Variants in KIF13A observed in about 807,000 individuals in gnomAD.
KIF13A encodes kinesin family member 13A.
A neutral mutation model predicts 212.2 loss-of-function variants in KIF13A; 79 were observed. The ratio of observed to expected loss-of-function variants is 0.37; its 90% CI spans 0.31 to 0.45. The LOEUF is 0.45. Ranked by LOEUF, KIF13A falls within the 20% of genes least tolerant of loss-of-function variation. The pLI, the probability that KIF13A is intolerant of heterozygous loss-of-function variation, is 1.00. For missense variants in KIF13A, 1,901 were observed against 2,209.0 expected, an observed-to-expected ratio of 0.86 and a Z score of 2.79; for synonymous variants, 789 against 808.6, an observed-to-expected ratio of 0.98 and a Z score of 0.41.
rs1764874391 is a variant in KIF13A, at chr6:17,825,382, A to C, written c.1786+386T>G. Among the ~76,000 whole-genome samples, 1 of 152,232 alleles carries C rather than the reference A, an allele frequency of 6.6e-6. No homozygotes were observed. Among genetic ancestry groups the C allele is most frequent in the African/African-American group, 2.4e-5 (1 of 41,452 alleles). The stretch of plus-strand genomic sequence containing the variant: ...TGACTTTTATCTTTCCATAGATTAT[A>C]TTTGAAATTCCTGAATTTATATTCT... On this transcript the variant is annotated intron_variant, in intron 16 of 38. Coordinates refer to ENST00000259711, the MANE Select transcript of KIF13A (RefSeq NM_022113.6). The surrounding 1 kb of genome is among the most constrained non-coding windows in gnomAD (Gnocchi z 4.5).
At chr6:17,784,176 T>A (rs886157831) in intron 28 of KIF13A, among the ~76,000 whole-genome samples, 2 of 151,996 alleles carry the variant, frequency 1.3e-5, no homozygotes, top group African/African-American at 4.8e-5. Context: ...TCCCAGCACT[T>A]TGGGAGGCAA....
chr6:17,780,669 G>C, intron 31 of KIF13A, 61 bp downstream of exon 31: 3 of 1,504,504 alleles, frequency 2.0e-6, no homozygotes, highest in East Asian at 2.3e-5. Flanking sequence ...CTTTGTGATA[G>C]AGAGAGGGAA....
chr6:17,954,817 G>C (rs1778211049), intron 2 of KIF13A, among the ~76,000 whole-genome samples: 1 of 151,946 alleles, frequency 6.6e-6, no homozygotes, highest in Non-Finnish European at 1.5e-5. Flanking sequence ...GGGACCACAG[G>C]CACACAGCAT....
At chr6:17,906,498 G>A (rs1243225223) in intron 2 of KIF13A, among the ~76,000 whole-genome samples, 1 of 146,038 alleles carries the variant, frequency 6.8e-6, no homozygotes, top group Non-Finnish European at 1.5e-5. Context: ...GCCTAGGCTG[G>A]AGTGCAATGA....
Position 17,961,310 on chromosome 6 carries a change from C to T in KIF13A, c.146+25744G>A, listed in dbSNP as rs1390303188. The stretch of plus-strand genomic sequence containing the variant: ...GGGACCTGGAAAGGAGCTGGGATTC[C>T]AAAGGTGGAAGGTAGCAACTGATGT... On this transcript the variant is annotated intron_variant, in intron 2 of 38. Coordinates refer to ENST00000259711, the MANE Select transcript of KIF13A (RefSeq NM_022113.6). The surrounding 1 kb of genome is among the most constrained non-coding windows in gnomAD (Gnocchi z 4.1). Among the ~76,000 whole-genome samples the T allele has an allele frequency of 6.6e-6, 1 of 152,080 alleles. No individual in the cohort carries two copies. Among genetic ancestry groups the T allele is most frequent in the Non-Finnish European group, 1.5e-5 (1 of 68,030 alleles).
At chr6:17,805,945 G>T (rs1762906608) in intron 18 of KIF13A, among the ~76,000 whole-genome samples, 1 of 108,070 alleles carries the variant, frequency 9.3e-6, no homozygotes. Flanking sequence ...TTTGAGATAG[G>T]ATCTTGCTCT....
chr6:17,958,108 T>TA (rs1778504545), intron 2 of KIF13A, among the ~76,000 whole-genome samples: 1 of 152,152 alleles, frequency 6.6e-6, no homozygotes, highest in Non-Finnish European at 1.5e-5. Context: ...TCTCATATAA[T>TA]AGACACCCGC....
Position 17,794,680 on chromosome 6 carries a change from T to C in KIF13A, c.2967A>G (p.Ile989Met), listed in dbSNP as rs1267538316. Residue 989 changes from isoleucine (I) to methionine (M), a missense_variant, in exon 24 of 39, where the codon ATA becomes ATG. Ile to Met is a conservative substitution (Grantham distance 10). Coordinates refer to ENST00000259711, the MANE Select transcript of KIF13A (RefSeq NM_022113.6). The surrounding 1 kb of genome is among the most constrained non-coding windows in gnomAD (Gnocchi z 4.1). ...HDRWNEVTRRIEMWISILELN... is the reference protein window; with the variant it reads ...HDRWNEVTRRMEMWISILELN... ...ATTCTAATATGGAGATCCACATTTC[T>C]ATTCTTCGCGTTACTTCATTCCACC... 2 of 1,611,052 alleles carry C rather than the reference T, an allele frequency of 1.2e-6. No individual in the cohort carries two copies. Among genetic ancestry groups the C allele is most frequent in the South Asian group, 1.1e-5 (1 of 90,098 alleles).
Position 17,799,563 on chromosome 6 carries a change from T to C in KIF13A, c.2617-124A>G, listed in dbSNP as rs1049125347. ...TCATCCATTTGACATGTGAAAATAT[T>C]ATATCTGACACCGTGACACTAAGGG... is the stretch of plus-strand genomic sequence containing the variant. On this transcript the variant is annotated intron_variant, in intron 21 of 38. Coordinates refer to ENST00000259711, the MANE Select transcript of KIF13A (RefSeq NM_022113.6). The surrounding 1 kb of genome is among the most constrained non-coding windows in gnomAD (Gnocchi z 4.4). 6.7e-6 allele frequency: 5 copies of C among 743,138 alleles called. No individual in the cohort carries two copies. Among genetic ancestry groups the C allele is most frequent in the Non-Finnish European group, 1.1e-5 (5 of 469,180 alleles). The allele number at this position is 743,138 out of a possible 1,614,324, so 46.0% of individuals were successfully genotyped here.
intron 11 of KIF13A, among the ~76,000 whole-genome samples, chr6:17,836,430 G>C (rs1487448967): frequency 4.6e-5 from 7 of 152,168 alleles, no homozygotes; most frequent in Non-Finnish European, 8.8e-5. Context: ...TTATTTGTTT[G>C]TTTCCATGAC....
intron 23 of KIF13A, among the ~76,000 whole-genome samples, chr6:17,795,906 A>T (rs1301759929): frequency 1.3e-5 from 2 of 152,194 alleles, no homozygotes; most frequent in Admixed American, 1.3e-4. Context: ...TAGGCATTAT[A>T]GTTTAAGTTG....
At chr6:17,869,979 C>A (rs1769852628) in intron 4 of KIF13A, among the ~76,000 whole-genome samples, 1 of 152,148 alleles carries the variant, frequency 6.6e-6, no homozygotes. Flanking sequence ...ATGCTTCTAT[C>A]TTAATGTTTT....
chr6:17,974,320 T>G (rs1344191670), intron 2 of KIF13A, among the ~76,000 whole-genome samples: 1 of 152,150 alleles, frequency 6.6e-6, no homozygotes, highest in Admixed American at 6.5e-5. Context: ...CCTCATGATC[T>G]GCCCACCTCG....
At chr6:17,952,142 A>C (rs1218072500) in intron 2 of KIF13A, among the ~76,000 whole-genome samples, 1 of 151,852 alleles carries the variant, frequency 6.6e-6, no homozygotes, top group Non-Finnish European at 1.5e-5. Context: ...TCTCTACTAA[A>C]AATACAAAAA....
chr6:17,801,474 C>T (rs1246782483), intron 20 of KIF13A, among the ~76,000 whole-genome samples: 14 of 152,198 alleles, frequency 9.2e-5, no homozygotes, highest in Admixed American at 9.2e-4. Flanking sequence ...TGTGCTCTAA[C>T]CTGGGCAACA....
chr6:17,841,927 CTG>C (rs964856846), intron 9 of KIF13A, among the ~76,000 whole-genome samples: 2 of 150,526 alleles, frequency 1.3e-5, no homozygotes, highest in African/African-American at 2.4e-5. Context: ...GCTTATATGT[CTG>C]TGTGTTTGTG....
In KIF13A at chr6:17,927,507, G is replaced by C. The variant is rs574565964; in HGVS notation, c.147-29327C>G. Among the ~76,000 whole-genome samples the C allele has an allele frequency of 9.4e-4, 143 of 152,260 alleles. 2 individuals are homozygous for C. The highest frequency in any genetic ancestry group is 3.2e-3 in the African/African-American group (135 of 41,554). On this transcript the variant is annotated intron_variant, in intron 2 of 38. Transcript: ENST00000259711. ...AGAGCAGTTCCCAGGGGCTTGGTTG[G>C]GGGTGGGGGACAGAAAATAAGGAGT... is the stretch of plus-strand genomic sequence containing the variant.
chr6:17,901,050 C>A (rs1236166799), intron 2 of KIF13A, among the ~76,000 whole-genome samples: 1 of 142,638 alleles, frequency 7.0e-6, no homozygotes, highest in Non-Finnish European at 1.5e-5. Flanking sequence ...TGCACTCCAT[C>A]CATCCTGGGC....
At chr6:17,874,514 C>T (rs1056587365) in intron 3 of KIF13A, among the ~76,000 whole-genome samples, 4 of 152,102 alleles carry the variant, frequency 2.6e-5, no homozygotes, top group African/African-American at 9.7e-5. Flanking sequence ...CGGCTCACCG[C>T]AACCTCTGCC....
Sources: allele counts gnomAD v4.1 joint callset (sites outside exome capture counted in the v4.1 genomes callset), GRCh38; gene constraint gnomAD v4.1.1; non-coding constraint Gnocchi (gnomAD v3.1); transcripts MANE v1.5; gene names NCBI Gene and HGNC (gene_info 2026-07-23, HGNC 2026-07-21).